The following DLGAP2 variants were observed in gnomAD, a reference collection of about 807,000 sequenced individuals.
The protein encoded by DLGAP2 is DLG associated protein 2.
A neutral mutation model predicts 100.3 loss-of-function variants in DLGAP2; 26 were observed. The observed-to-expected ratio is 0.26, with a 90% CI of 0.19 to 0.36. The LOEUF is 0.36. Among genes scored for constraint, DLGAP2 ranks in the 10% least tolerant of loss-of-function variants. The pLI is 1.00. For missense variants in DLGAP2, 1,858 were observed against 1,453.2 expected (o/e 1.28, Z -4.53); for synonymous variants, 886 against 630.1 (o/e 1.41, Z -6.08).
chr8:1,125,502 C>A (rs542557978), intron 2 of DLGAP2, among the ~76,000 whole-genome samples: 7 of 152,048 alleles, frequency 4.6e-5, no homozygotes, highest in African/African-American at 1.7e-4. Context: ...GCCATATAAC[C>A]ACTTATTTTG....
chr8:1,310,606 C>G (rs1049998424), intron 3 of DLGAP2, among the ~76,000 whole-genome samples: 7 of 152,202 alleles, frequency 4.6e-5, no homozygotes, highest in Admixed American at 1.3e-4. Flanking sequence ...AAAGACAGGT[C>G]TCAATAAATT....
intron 2 of DLGAP2, among the ~76,000 whole-genome samples, chr8:986,521 C>T (rs372240639): frequency 6.6e-6 from 1 of 152,078 alleles, no homozygotes; most frequent in Non-Finnish European, 1.5e-5. Flanking sequence ...TTAAAAATTA[C>T]AGCTAAAACA....
chr8:918,331 G>T (rs1283743602), intron 2 of DLGAP2, among the ~76,000 whole-genome samples: 2 of 152,232 alleles, frequency 1.3e-5, no homozygotes, highest in Admixed American at 1.3e-4. Flanking sequence ...AATGGTGAGT[G>T]TTGGTAATTT....
At chr8:876,963 G>C (rs183646988) in intron 1 of DLGAP2, among the ~76,000 whole-genome samples, 1 of 150,472 alleles carries the variant, frequency 6.6e-6, no homozygotes, top group Non-Finnish European at 1.5e-5. Context: ...TTCCAACAGC[G>C]GAATTTCCAT....
chr8:1,200,230 G>A (rs776899395), intron 2 of DLGAP2, among the ~76,000 whole-genome samples: 1 of 152,206 alleles, frequency 6.6e-6, no homozygotes, highest in African/African-American at 2.4e-5. Flanking sequence ...GGACAGCTTC[G>A]TGTCTTTTCC....
intron 2 of DLGAP2, among the ~76,000 whole-genome samples, chr8:1,111,244 C>T (rs916691898): frequency 6.6e-6 from 1 of 152,140 alleles, no homozygotes; most frequent in African/African-American, 2.4e-5. Flanking sequence ...TTCCTGTTGG[C>T]GCTCCCAGAG....
chr8:1,135,842 G>A (rs980368921), intron 2 of DLGAP2, among the ~76,000 whole-genome samples: 10 of 152,304 alleles, frequency 6.6e-5, no homozygotes, highest in Admixed American at 1.3e-4. Context: ...ATAGATCTCT[G>A]CTGAGCACGG....
rs749460084 is a variant in DLGAP2, at chr8:1,565,814, C to T, written c.1362C>T (p.Pro454=). 5.0e-6 allele frequency: 8 copies of T among 1,613,760 alleles called. No individual in the cohort carries two copies. Among genetic ancestry groups the T allele is most frequent in the Non-Finnish European group, 5.9e-6 (7 of 1,179,824 alleles). Reference sequence around the variant, plus strand: ...AGAGCGGAGAGTCAGACTCCAGCCCCAAGACATCACCAAAGTCGGCAATCC... The same window carrying T: ...AGAGCGGAGAGTCAGACTCCAGCCCTAAGACATCACCAAAGTCGGCAATCC... ...DEESGESDSS[P]KTSPKSAILP... Residue 454 remains proline (P), a synonymous_variant, in exon 6 of 15, where the codon CCC becomes CCT. Coordinates refer to ENST00000637795, the MANE Select transcript of DLGAP2 (RefSeq NM_001346810.2).
rs150747891 is a variant in DLGAP2, at chr8:846,954, T to C, written c.19-60958T>C. Among the ~76,000 whole-genome samples, 1,218 of 152,346 alleles carry C rather than the reference T, an allele frequency of 8.0e-3. 14 individuals are homozygous for C. The highest frequency in any genetic ancestry group is 0.027 in the African/African-American group (1,138 of 41,584). On this transcript the variant is annotated intron_variant, in intron 1 of 14. Coordinates refer to ENST00000637795, the MANE Select transcript of DLGAP2 (RefSeq NM_001346810.2). Reference sequence around the variant, plus strand: ...ACTAGCCTGTAATTCTTGCTTCTCCTGTTTTTCTTGTTAGGGTTTACTACT... The same window carrying C: ...ACTAGCCTGTAATTCTTGCTTCTCCCGTTTTTCTTGTTAGGGTTTACTACT...
intron 3 of DLGAP2, among the ~76,000 whole-genome samples, chr8:1,330,091 C>T (rs1383525359): frequency 6.6e-6 from 1 of 152,176 alleles, no homozygotes; most frequent in Non-Finnish European, 1.5e-5. Context: ...CATGTGGGGT[C>T]GAGGTTTCTT....
chr8:1,435,514 G>A (rs145969910), intron 3 of DLGAP2, among the ~76,000 whole-genome samples: 3 of 152,312 alleles, frequency 2.0e-5, no homozygotes, highest in Non-Finnish European at 4.4e-5. Context: ...TGCAGCCACC[G>A]TACGGAAGTG....
chr8:1,574,306 A>G (rs1171189919), intron 6 of DLGAP2, among the ~76,000 whole-genome samples: 2 of 152,158 alleles, frequency 1.3e-5, no homozygotes, highest in African/African-American at 2.4e-5. Context: ...AGCACCGGCA[A>G]TAATTGCAGG....
At chr8:1,030,624 C>G (rs923299697) in intron 2 of DLGAP2, among the ~76,000 whole-genome samples, 13 of 152,306 alleles carry the variant, frequency 8.5e-5, no homozygotes, top group African/African-American at 2.6e-4. Context: ...AGTGGATTAG[C>G]TAACCTGTTG....
chr8:1,616,711 A>C lies in DLGAP2; in HGVS notation c.1443-10029A>C, dbSNP rs201313106. Reference sequence around the variant, plus strand: ...AAGCTAAGGAATCTATTTTTAACTTAAATACATGTATCCACATGTGGCTAC... The same window carrying C: ...AAGCTAAGGAATCTATTTTTAACTTCAATACATGTATCCACATGTGGCTAC... On this transcript the variant is annotated intron_variant, in intron 6 of 14. Coordinates refer to ENST00000637795, the MANE Select transcript of DLGAP2 (RefSeq NM_001346810.2). 8.5e-5 allele frequency among the ~76,000 whole-genome samples: 13 copies of C among 152,342 alleles called. No homozygotes were observed. The East Asian group carries it at 2.5e-3, about 29-fold the overall frequency.
chr8:904,734 G>A (rs771498289), intron 1 of DLGAP2, among the ~76,000 whole-genome samples: 147 of 152,220 alleles, frequency 9.7e-4, no homozygotes, highest in Non-Finnish European at 1.9e-3. Context: ...TGACCGCTGA[G>A]TATATTTTGT....
chr8:862,047 A>AATT (rs1797401986), intron 1 of DLGAP2, among the ~76,000 whole-genome samples: 1 of 152,218 alleles, frequency 6.6e-6, no homozygotes, highest in Non-Finnish European at 1.5e-5. Context: ...CAGTGTTTCT[A>AATT]ACACAGTTTT....
At chr8:1,390,075 C>A (rs1047951014) in intron 3 of DLGAP2, among the ~76,000 whole-genome samples, 3 of 152,118 alleles carry the variant, frequency 2.0e-5, no homozygotes, top group Admixed American at 6.5e-5. Context: ...GACATTTCAT[C>A]CGTTGATGGA....
intron 2 of DLGAP2, among the ~76,000 whole-genome samples, chr8:1,212,703 C>A (rs1166984610): frequency 6.6e-6 from 1 of 151,872 alleles, no homozygotes; most frequent in Non-Finnish European, 1.5e-5. Flanking sequence ...GATTAAGAAA[C>A]CTTCTTATAT....
intron 3 of DLGAP2, among the ~76,000 whole-genome samples, chr8:1,263,038 G>A (rs965436156): frequency 1.3e-5 from 2 of 152,106 alleles, no homozygotes; most frequent in Non-Finnish European, 2.9e-5. Context: ...CAGTGTCTTC[G>A]ATCTGTGTTA....
Sources: gnomAD v4.1 joint callset for allele counts (sites outside exome capture counted in the v4.1 genomes callset) on GRCh38, gnomAD v4.1.1 for gene constraint, MANE v1.5 for transcripts, NCBI Gene and HGNC (gene_info 2026-07-23, HGNC 2026-07-21) for gene names.